Variants in CDC23 observed in about 807,000 individuals in gnomAD.
CDC23 encodes the protein cell division cycle protein 23 homolog.
CDC23 carries 26 observed loss-of-function variants against 81.7 expected under a neutral mutation model. The ratio of observed to expected loss-of-function variants is 0.32; its 90% CI spans 0.23 to 0.44. The LOEUF (loss-of-function observed/expected upper bound fraction) is 0.44, where lower values mean the gene tolerates loss of function less well. Among genes scored for constraint, CDC23 ranks in the 20% least tolerant of loss-of-function variants. The pLI is 1.00. For missense variants in CDC23, 519 were observed against 728.0 expected (o/e 0.71, Z 3.30); for synonymous variants, 267 against 270.8 (o/e 0.99, Z 0.14).
At chr5:138,211,806 AT>A (rs1215713885) in intron 2 of CDC23, among the ~76,000 whole-genome samples, 1 of 152,244 alleles carries the variant, frequency 6.6e-6, no homozygotes, top group Admixed American at 6.5e-5. Flanking sequence ...TGAATCTAAA[AT>A]TTAAACAACA....
chr5:138,196,811 A>C (rs1203049327), intron 9 of CDC23, among the ~76,000 whole-genome samples: 1 of 145,308 alleles, frequency 6.9e-6, no homozygotes, highest in East Asian at 2.1e-4. Flanking sequence ...CGATCTCCTG[A>C]CCTCGTGATC....
At position 138,204,719 on chromosome 5, in the gene CDC23, A is replaced by G. The variant is rs1235966953; in HGVS notation, c.372+1828T>C. The stretch of plus-strand genomic sequence containing the variant: ...ACTGCAAGCTCCACCTTCCGGGTTC[A>G]CGCCATTCTCCTGCCTCAGCCTCCC... On this transcript the variant is annotated intron_variant, in intron 3 of 15. Transcript: ENST00000394886. Among the ~76,000 whole-genome samples the G allele has an allele frequency of 2.0e-5, 3 of 150,516 alleles. No homozygotes were observed. The East Asian group carries it at 6.0e-4, about 30-fold the overall frequency.
rs948548570 is a variant in CDC23, at chr5:138,199,225, C to T, written c.655-443G>A. Among the ~76,000 whole-genome samples, 7 of 152,020 alleles carry T rather than the reference C, an allele frequency of 4.6e-5. No homozygotes were observed. The South Asian group carries it at 6.2e-4, about 13-fold the overall frequency. ...TGGTAGAGCGCATCCTAGGGTACAA[C>T]AGATAATGGGATACAATAGGGAACC... On this transcript the variant is annotated intron_variant, in intron 6 of 15. Coordinates refer to ENST00000394886, the MANE Select transcript of CDC23 (RefSeq NM_004661.4).
intron 2 of CDC23, among the ~76,000 whole-genome samples, chr5:138,212,788 A>G (rs1323408733): frequency 2.2e-5 from 3 of 136,082 alleles, no homozygotes; most frequent in Non-Finnish European, 5.1e-5. Context: ...CCAGCTTTAA[A>G]TAAGAGCACC....
In CDC23 at chr5:138,198,540, G is replaced by C. The variant is rs962535671; in HGVS notation, c.833-17C>G. 2 of 1,612,404 alleles carry C rather than the reference G, an allele frequency of 1.2e-6. No individual in the cohort carries two copies. Among genetic ancestry groups the C allele is most frequent in the South Asian group, 1.1e-5 (1 of 91,038 alleles). The stretch of plus-strand genomic sequence containing the variant: ...TGTCAATATCTGCAGAAAGAAGATA[G>C]TTCAGAAAACAGCACAATGCACCTG... On this transcript the variant is annotated splice_polypyrimidine_tract_variant and intron_variant, in intron 7 of 15. Coordinates refer to ENST00000394886, the MANE Select transcript of CDC23 (RefSeq NM_004661.4).
intron 3 of CDC23, chr5:138,206,237 A>C: frequency 4.5e-6 from 2 of 446,346 alleles, no homozygotes; most frequent in Non-Finnish European, 7.8e-6. Context: ...ATAAATTTAA[A>C]AGTCAGCCCA....
chr5:138,213,217 A>G lies in CDC23; in HGVS notation c.96T>C (p.Ile32=). The change falls in exon 1 of 16, where the codon ATT becomes ATC. Residue 32 remains isoleucine, a synonymous_variant. Transcript: ENST00000394886. ...CCGCAATAAGCAGCAGTTGCTTTTT[A>G]ATTTCCCGCAAATCTGAGAAATCGC... ...INSDFSDLRE[I]KKQLLLIAGL... 1 of 1,614,120 alleles carries G rather than the reference A, an allele frequency of 6.2e-7. No individual in the cohort carries two copies. Among genetic ancestry groups the G allele is most frequent in the Non-Finnish European group, 8.5e-7 (1 of 1,180,024 alleles).
Position 138,192,849 on chromosome 5 carries a change from T to TA in CDC23, c.1013-193dup, listed in dbSNP as rs539031707. On this transcript the variant is annotated intron_variant, in intron 9 of 15. Coordinates refer to ENST00000394886, the MANE Select transcript of CDC23 (RefSeq NM_004661.4). ...TATTTCATCTGTCACACATTCCGGT[T>TA]AAAAAAAAAAGTATTCTTAAACACT... is the stretch of plus-strand genomic sequence containing the variant. Among the ~76,000 whole-genome samples the TA allele has an allele frequency of 5.3e-3, 793 of 149,344 alleles. 2 individuals are homozygous for TA. The highest frequency in any genetic ancestry group is 9.5e-3 in the Non-Finnish European group (638 of 67,018).
rs530169754 is a variant in CDC23, at chr5:138,188,920, A to T, written c.*58T>A. On this transcript the variant is annotated 3_prime_UTR_variant, in exon 16 of 16. Coordinates refer to ENST00000394886, the MANE Select transcript of CDC23 (RefSeq NM_004661.4). Reference sequence around the variant, plus strand: ...TTGGAACAGACGTGCTGTTCTTTACATGGAGGTAAGGCTTAATTAAGATGG... The same window carrying T: ...TTGGAACAGACGTGCTGTTCTTTACTTGGAGGTAAGGCTTAATTAAGATGG... The T allele has an allele frequency of 2.0e-6, 3 of 1,537,154 alleles. No homozygotes were observed. Among genetic ancestry groups the T allele is most frequent in the Non-Finnish European group, 2.7e-6 (3 of 1,128,002 alleles).
At chr5:138,204,781 A>T (rs899655093) in intron 3 of CDC23, among the ~76,000 whole-genome samples, 1 of 151,600 alleles carries the variant, frequency 6.6e-6, no homozygotes, top group Non-Finnish European at 1.5e-5. Flanking sequence ...CACTGCGCCC[A>T]GCTAATTTTT....
intron 12 of CDC23, 103 bp downstream of exon 12, chr5:138,191,759 T>A (rs1301657662): frequency 9.8e-7 from 1 of 1,019,632 alleles, no homozygotes; most frequent in Non-Finnish European, 1.5e-6. Flanking sequence ...GACTTTCCTA[T>A]GCACCTAGAT....
At chr5:138,195,713 A>ACAC (rs1754888724) in intron 9 of CDC23, among the ~76,000 whole-genome samples, 3 of 64,190 alleles carry the variant, frequency 4.7e-5, no homozygotes, top group Non-Finnish European at 1.0e-4. Context: ...ATATACATAT[A>ACAC]ATATATATGT....
intron 9 of CDC23, among the ~76,000 whole-genome samples, chr5:138,194,803 C>T (rs1754865902): frequency 6.6e-6 from 1 of 150,460 alleles, no homozygotes; most frequent in South Asian, 2.1e-4. Flanking sequence ...CTCACTGCAC[C>T]CTCCGCCTCC....
At chr5:138,198,144 T>C (rs1754938728) in intron 9 of CDC23, 55 bp downstream of exon 9, 1 of 1,309,330 alleles carries the variant, frequency 7.6e-7, no homozygotes, top group Non-Finnish European at 1.1e-6. Context: ...TATTTTCACA[T>C]GTGTTACTTA....
chr5:138,212,115 C>G (rs1755119526), intron 2 of CDC23, among the ~76,000 whole-genome samples: 1 of 152,106 alleles, frequency 6.6e-6, no homozygotes, highest in Admixed American at 6.6e-5. Flanking sequence ...TCTAAGCGGT[C>G]TATATTATTA....
chr5:138,194,718 C>CTTTT (rs926814787), intron 9 of CDC23, among the ~76,000 whole-genome samples: 2 of 118,782 alleles, frequency 1.7e-5, no homozygotes, highest in African/African-American at 3.1e-5. Flanking sequence ...TTTTTGGTGT[C>CTTTT]TTTTTTTTTT....
chr5:138,192,448 C>T, intron 10 of CDC23, 56 bp downstream of exon 10: 1 of 1,613,616 alleles, frequency 6.2e-7, no homozygotes, highest in Non-Finnish European at 8.5e-7. Flanking sequence ...AACTTGCAGG[C>T]TTAGAGGCTC....
Position 138,201,803 on chromosome 5 carries a change from C to T in CDC23, c.415+310G>A, listed in dbSNP as rs17228422. Among the ~76,000 whole-genome samples, 586 of 152,342 alleles carry T rather than the reference C, an allele frequency of 3.8e-3. 1 individual carries two copies. The highest frequency in any genetic ancestry group is 0.013 in the African/African-American group (557 of 41,570). Reference sequence around the variant, plus strand: ...GTTTACAGTCATTCTGTTAGACCCACACAGTTTTTATTTGAATTCGTTATG... The same window carrying T: ...GTTTACAGTCATTCTGTTAGACCCATACAGTTTTTATTTGAATTCGTTATG... On this transcript the variant is annotated intron_variant, in intron 4 of 15. Transcript: ENST00000394886.
At chr5:138,189,536 G>T in intron 15 of CDC23, 97 bp downstream of exon 15, 1 of 1,204,662 alleles carries the variant, frequency 8.3e-7, no homozygotes, top group East Asian at 2.4e-5. Context: ...TGGGATTATA[G>T]GTGTGAGCCG....
Sources: allele counts gnomAD v4.1 joint callset (sites outside exome capture counted in the v4.1 genomes callset), GRCh38; gene constraint gnomAD v4.1.1; transcripts MANE v1.5; gene names NCBI Gene and HGNC (gene_info 2026-07-23, HGNC 2026-07-21).